The following RUSC2 variants were observed in gnomAD, a reference collection of about 807,000 sequenced individuals.
RUSC2 encodes the protein RUN and SH3 domain containing 2.
Under a neutral mutation model 122.2 loss-of-function variants are expected in RUSC2, and 34 were observed. The observed-to-expected ratio is 0.28, with a 90% CI of 0.21 to 0.37. RUSC2 has a LOEUF of 0.37. RUSC2 is among the 10% of genes least tolerant of loss of function. RUSC2 has a pLI of 1.00. For synonymous variants in RUSC2, 784 were observed against 790.0 expected, an observed-to-expected ratio of 0.99 and a Z score of 0.13; for missense variants, 1,747 against 1,952.4, an observed-to-expected ratio of 0.89 and a Z score of 1.98.
intron 2 of RUSC2, among the ~76,000 whole-genome samples, chr9:35,553,504 A>G (rs1367210563): frequency 6.6e-6 from 1 of 152,232 alleles, no homozygotes; most frequent in African/African-American, 2.4e-5. Flanking sequence ...AAAGTTCAAC[A>G]ATGCTGAAAA....
At chr9:35,550,937 C>T (rs547242486) in intron 2 of RUSC2, among the ~76,000 whole-genome samples, 73 of 151,556 alleles carry the variant, frequency 4.8e-4, no homozygotes, top group African/African-American at 1.6e-3. Context: ...GGTGTGGTGG[C>T]GGGTGCCTGT....
In RUSC2 at chr9:35,532,594, A is replaced by C. The variant is rs116163119; in HGVS notation, c.-92-13836A>C. Among the ~76,000 whole-genome samples, 456 of 152,154 alleles carry C rather than the reference A, an allele frequency of 3.0e-3. 5 individuals are homozygous for C. The highest frequency in any genetic ancestry group is 0.017 in the Middle Eastern group (5 of 294). ...ACCCCATCTCTACCAAAACCACAAA[A>C]ATATAGCTGGGTGTGGTGGCATGCA... On this transcript the variant is annotated intron_variant, in intron 1 of 11. Coordinates refer to ENST00000361226, the MANE Select transcript of RUSC2 (RefSeq NM_014806.5).
intron 1 of RUSC2, among the ~76,000 whole-genome samples, chr9:35,534,452 A>ACC (rs954190426): frequency 1.3e-5 from 2 of 150,676 alleles, no homozygotes; most frequent in African/African-American, 4.9e-5. Context: ...ACACACACAC[A>ACC]CACACAATCC....
chr9:35,494,978 A>G, intron 1 of RUSC2, among the ~76,000 whole-genome samples: 1 of 110,574 alleles, frequency 9.0e-6, no homozygotes, highest in Non-Finnish European at 1.7e-5. Flanking sequence ...TATATATATT[A>G]TATAATATAT....
At chr9:35,493,060 G>C (rs932058195) in intron 1 of RUSC2, among the ~76,000 whole-genome samples, 4 of 151,836 alleles carry the variant, frequency 2.6e-5, no homozygotes, top group African/African-American at 9.7e-5. Context: ...CATTTCACAG[G>C]GGTTTGTTGT....
intron 2 of RUSC2, among the ~76,000 whole-genome samples, chr9:35,549,480 G>A (rs1821840783): frequency 6.6e-6 from 1 of 152,162 alleles, no homozygotes; most frequent in Non-Finnish European, 1.5e-5. Flanking sequence ...AAGGATTCCA[G>A]CTAAGGACAG....
At chr9:35,505,104 A>G (rs550847866) in intron 1 of RUSC2, among the ~76,000 whole-genome samples, 1 of 152,362 alleles carries the variant, frequency 6.6e-6, no homozygotes, top group African/African-American at 2.4e-5. Flanking sequence ...AGTTATTCAC[A>G]CAAGTTCTTT....
At chr9:35,519,764 A>T (rs1370665627) in intron 1 of RUSC2, among the ~76,000 whole-genome samples, 2 of 152,186 alleles carry the variant, frequency 1.3e-5, no homozygotes, top group Non-Finnish European at 2.9e-5. Flanking sequence ...ATTACTAAGC[A>T]CCTACCATGT....
In RUSC2 at chr9:35,560,330, G is replaced by A; in HGVS notation, c.3690G>A (p.Lys1230=). The part of the protein sequence containing the change: ...VDRAAQGERV[K]GVGASEGGEE... ...GGGCAGCCCAAGGGGAGCGGGTGAAGGGTGTGGGTGCCTCAGAAGGTGGAG... is the reference window on the plus strand; with the variant it reads ...GGGCAGCCCAAGGGGAGCGGGTGAAAGGTGTGGGTGCCTCAGAAGGTGGAG... Residue 1230 remains lysine, a synonymous_variant, in exon 10 of 12, where the codon AAG becomes AAA. Transcript: ENST00000361226. The A allele has an allele frequency of 1.9e-6, 3 of 1,608,684 alleles. No homozygotes were observed. Among genetic ancestry groups the A allele is most frequent in the South Asian group, 1.1e-5 (1 of 90,870 alleles).
rs1348182384 is a variant in RUSC2, at chr9:35,547,849, C to G, written c.1328C>G (p.Ser443Cys). 2 of 1,614,126 alleles carry G rather than the reference C, an allele frequency of 1.2e-6. No individual in the cohort carries two copies. Among genetic ancestry groups the G allele is most frequent in the African/African-American group, 2.7e-5 (2 of 74,936 alleles). Residue 443 changes from serine (S) to cysteine (C), a missense_variant, in exon 2 of 12, where the codon TCT (serine) becomes TGT (cysteine). By Grantham distance (112) the Ser-to-Cys change is moderately radical. Coordinates refer to ENST00000361226, the MANE Select transcript of RUSC2 (RefSeq NM_014806.5). This position sits in a 1 kb window ranked among gnomAD's most constrained non-coding sequence, Gnocchi z 4.6. ...PGPDPGPSQP[S>C]EYYLFQKPEV... ...CCAGACCCAGGCCCCAGCCAGCCCT[C>G]TGAGTATTACCTATTCCAGAAGCCA...
chr9:35,561,128 G>A, intron 11 of RUSC2, 31 bp downstream of exon 11: 1 of 1,613,446 alleles, frequency 6.2e-7, no homozygotes, highest in East Asian at 2.2e-5. Context: ...GGGCTGAGGG[G>A]GGCGGGGGGC....
At chr9:35,544,072 A>G (rs1408124059) in intron 1 of RUSC2, among the ~76,000 whole-genome samples, 1 of 152,106 alleles carries the variant, frequency 6.6e-6, no homozygotes, top group African/African-American at 2.4e-5. Flanking sequence ...ACTCCCGGCA[A>G]TGTTTCAGGG....
rs1328706702 is a variant in RUSC2, at chr9:35,548,280, C to G, written c.1759C>G (p.Leu587Val). 1.9e-6 allele frequency: 3 copies of G among 1,614,020 alleles called. No individual in the cohort carries two copies. The highest frequency in any genetic ancestry group is 2.5e-6 in the Non-Finnish European group (3 of 1,180,034). The change falls in exon 2 of 12, where the codon CTG (leucine) becomes GTG (valine). Residue 587 changes from leucine (L) to valine (V), a missense_variant. By Grantham distance (32) the Leu-to-Val change is conservative. Coordinates refer to ENST00000361226, the MANE Select transcript of RUSC2 (RefSeq NM_014806.5). The surrounding 1 kb of genome is among the most constrained non-coding windows in gnomAD (Gnocchi z 4.5). ...QEAQQDRGAP[L>V]DEGTCCSHSL... is the part of the protein sequence containing the mutation. Reference sequence around the variant, plus strand: ...AGCCCAGCAAGATCGGGGGGCCCCACTGGATGAGGGCACTTGCTGTAGCCA... The same window carrying G: ...AGCCCAGCAAGATCGGGGGGCCCCAGTGGATGAGGGCACTTGCTGTAGCCA...
intron 1 of RUSC2, among the ~76,000 whole-genome samples, chr9:35,526,863 T>C (rs1482907737): frequency 6.6e-6 from 1 of 152,242 alleles, no homozygotes; most frequent in African/African-American, 2.4e-5. Context: ...ATAGTTTTAC[T>C]TCCTGAATCC....
In RUSC2 at chr9:35,547,974, TCAC is replaced by T; in HGVS notation, c.1455_1457del (p.Pro487del). 1 of 1,614,074 alleles carries T rather than the reference TCAC, an allele frequency of 6.2e-7. No homozygotes were observed. The highest frequency in any genetic ancestry group is 8.5e-7 in the Non-Finnish European group (1 of 1,180,018). On this transcript the variant is annotated inframe_deletion, in exon 2 of 12. Transcript: ENST00000361226. The surrounding 1 kb of genome is among the most constrained non-coding windows in gnomAD (Gnocchi z 4.6). ...TGAGGGACAAGTATACACGAATACT[TCAC>T]CCCCCAACCTCAGCACTGGACGTCA...
chr9:35,498,843 C>CAA (rs751545845), intron 1 of RUSC2, among the ~76,000 whole-genome samples: 3 of 86,442 alleles, frequency 3.5e-5, no homozygotes, highest in African/African-American at 8.7e-5. Flanking sequence ...GACTACATCT[C>CAA]AAAAAAAAAA....
chr9:35,547,230 C>T lies in RUSC2; in HGVS notation c.709C>T (p.Pro237Ser). ...ATGGAAGCTCAGTTCAGATGAATCC[C>T]CAAGGAACCCTGGATGCTCCGGCTC... ...QEWKLSSDES[P>S]RNPGCSGSGD... The change falls in exon 2 of 12, where the codon CCA becomes TCA. Residue 237 changes from proline to serine, a missense_variant. Transcript: ENST00000361226. The surrounding 1 kb of genome is among the most constrained non-coding windows in gnomAD (Gnocchi z 4.6). 1 of 1,614,164 alleles carries T rather than the reference C, an allele frequency of 6.2e-7. No homozygotes were observed.
At chr9:35,504,859 G>T (rs1820882881) in intron 1 of RUSC2, among the ~76,000 whole-genome samples, 1 of 152,180 alleles carries the variant, frequency 6.6e-6, no homozygotes, top group South Asian at 2.1e-4. Flanking sequence ...AATCATAGAA[G>T]CAAAAATAGA....
Position 35,555,408 on chromosome 9 carries a change from C to T in RUSC2, c.2363C>T (p.Pro788Leu). The change falls in exon 3 of 12, where the codon CCC becomes CTC. Residue 788 changes from proline to leucine, a missense_variant. Coordinates refer to ENST00000361226, the MANE Select transcript of RUSC2 (RefSeq NM_014806.5). The surrounding 1 kb of genome is among the most constrained non-coding windows in gnomAD (Gnocchi z 4.6). ...GSYSPIRSVGPFGPSTDSSAS... is the reference protein window; with the variant it reads ...GSYSPIRSVGLFGPSTDSSAS... ...TACTCCCCCATCCGGAGTGTTGGCC[C>T]CTTTGGGCCCAGCACTGACTCTTCT... 3 of 1,614,236 alleles carry T rather than the reference C, an allele frequency of 1.9e-6. No individual in the cohort carries two copies. The highest frequency in any genetic ancestry group is 2.5e-6 in the Non-Finnish European group (3 of 1,180,042).
Sources: gnomAD v4.1 joint callset for allele counts (sites outside exome capture counted in the v4.1 genomes callset) on GRCh38, gnomAD v4.1.1 for gene constraint, Gnocchi (gnomAD v3.1) non-coding constraint, MANE v1.5 for transcripts, NCBI Gene and HGNC (gene_info 2026-07-23, HGNC 2026-07-21) for gene names.